Variants in ZNF680 observed in about 807,000 individuals in gnomAD.
ZNF680 encodes the protein hypothetical protein FLJ90430.
In ZNF680, 6 loss-of-function variants were observed where a neutral mutation model predicts 12.1. The observed-to-expected ratio is 0.49, with a 90% CI of 0.27 to 0.98. The LOEUF (loss-of-function observed/expected upper bound fraction) is 0.98. Ranked by LOEUF, ZNF680 falls within the 50% of genes least tolerant of loss-of-function variation. The pLI, the probability that ZNF680 is intolerant of heterozygous loss-of-function variation, is 0.12. For synonymous variants in ZNF680, 170 were observed against 199.3 expected (o/e 0.85, Z 1.24); for missense variants, 561 against 616.3 (o/e 0.91, Z 0.95).
chr7:64,562,900 T>C (rs201763073), intron 1 of ZNF680, 25 bp downstream of exon 1: 1 of 1,613,344 alleles, frequency 6.2e-7, no homozygotes, highest in African/African-American at 1.3e-5. Context: ...TCCCCCTCTC[T>C]CGGGGTGTCG....
At chr7:64,501,177 C>G in the ZNF680 span, 1 of 871,448 alleles carries the variant, frequency 1.1e-6, no homozygotes. Context: ...CTCTATTCAG[C>G]TCCTCTCTTG....
chr7:64,508,927 AG>A, the ZNF680 span, among the ~76,000 whole-genome samples: 2 of 152,196 alleles, frequency 1.3e-5, no homozygotes, highest in African/African-American at 4.8e-5. Flanking sequence ...TCCTTGAGAT[AG>A]GGGGACTTTG....
chr7:64,541,702 T>A (rs1435655958), intron 3 of ZNF680, among the ~76,000 whole-genome samples: 1 of 152,136 alleles, frequency 6.6e-6, no homozygotes, highest in Non-Finnish European at 1.5e-5. Context: ...CCCACCAAAT[T>A]TGGTCCCACT....
In ZNF680 at chr7:64,543,754, T is replaced by C. The variant is rs1161915692; in HGVS notation, c.206A>G (p.Lys69Arg). 1 of 1,613,738 alleles carries C rather than the reference T, an allele frequency of 6.2e-7. No homozygotes were observed. Among genetic ancestry groups the C allele is most frequent in the Non-Finnish European group, 8.5e-7 (1 of 1,179,808 alleles). The change falls in exon 3 of 4, where the codon AAA (lysine) becomes AGA (arginine). Residue 69 changes from lysine (K) to arginine (R), a missense_variant. Coordinates refer to ENST00000309683, the MANE Select transcript of ZNF680 (RefSeq NM_178558.5). ...CTGTCTCTTCCTATTCCAGGGCTCTTTTCCTTGCTCCAAACAGGTTATCAG... is the reference window on the plus strand; with the variant it reads ...CTGTCTCTTCCTATTCCAGGGCTCTCTTCCTTGCTCCAAACAGGTTATCAG... Reference protein sequence around the residue: ...PHLITCLEQGKEPWNRKRQEM... With the variant: ...PHLITCLEQGREPWNRKRQEM...
At chr7:64,541,694 C>G (rs1786509951) in intron 3 of ZNF680, among the ~76,000 whole-genome samples, 1 of 152,162 alleles carries the variant, frequency 6.6e-6, no homozygotes, top group Non-Finnish European at 1.5e-5. Context: ...GGAAATGGCC[C>G]ACCAAATTTG....
chr7:64,543,863 A>C, intron 2 of ZNF680, 61 bp from the exon 3 acceptor site: 1 of 1,401,878 alleles, frequency 7.1e-7, no homozygotes, highest in Non-Finnish European at 1.0e-6. Flanking sequence ...CCAAACTACT[A>C]ATGTGCTCAG....
chr7:64,507,100 T>C, the ZNF680 span, among the ~76,000 whole-genome samples: 5 of 152,120 alleles, frequency 3.3e-5, no homozygotes, highest in African/African-American at 9.7e-5. Context: ...AACAATGAAA[T>C]ACTATTCAGC....
At chr7:64,513,707 G>A in the ZNF680 span, among the ~76,000 whole-genome samples, 1 of 151,700 alleles carries the variant, frequency 6.6e-6, no homozygotes, top group African/African-American at 2.4e-5. Context: ...GTGCAGTGGC[G>A]TGATCTCAGC....
chr7:64,533,266 C>T (rs1295046284), intron 3 of ZNF680, among the ~76,000 whole-genome samples: 1 of 152,014 alleles, frequency 6.6e-6, no homozygotes, highest in East Asian at 1.9e-4. Flanking sequence ...TCTTGAAAAC[C>T]CCAAAGACTC....
At chr7:64,513,268 T>C in the ZNF680 span, among the ~76,000 whole-genome samples, 13 of 152,076 alleles carry the variant, frequency 8.5e-5, no homozygotes, top group Non-Finnish European at 1.3e-4. Context: ...AATGTGTTTT[T>C]AGTAAAATCT....
At chr7:64,519,857 T>C (rs1310581457), downstream of ZNF680, 1 of 151,790 alleles carries the variant, frequency 6.6e-6, no homozygotes, top group Non-Finnish European at 1.5e-5. Context: ...ATAATAACGC[T>C]TCATTGAATG....
intron 3 of ZNF680, among the ~76,000 whole-genome samples, chr7:64,529,728 T>C (rs1785765417): frequency 6.6e-6 from 1 of 152,084 alleles, no homozygotes. Context: ...CACACTTGGG[T>C]TGATAACCGA....
At chr7:64,558,754 T>C (rs1382812711) in intron 1 of ZNF680, among the ~76,000 whole-genome samples, 3 of 151,674 alleles carry the variant, frequency 2.0e-5, no homozygotes, top group East Asian at 1.9e-4. Flanking sequence ...TCTTTAAAGA[T>C]TGCAAAGTTT....
At chr7:64,514,182 CAG>C in the ZNF680 span, among the ~76,000 whole-genome samples, 2 of 152,154 alleles carry the variant, frequency 1.3e-5, no homozygotes, top group African/African-American at 4.8e-5. Flanking sequence ...GCATCCAAAA[CAG>C]AGGTTAACAA....
At chr7:64,500,599 T>G in the ZNF680 span, among the ~76,000 whole-genome samples, 1 of 152,130 alleles carries the variant, frequency 6.6e-6, no homozygotes, top group African/African-American at 2.4e-5. Context: ...CATAGAAGCA[T>G]AGGGTAGAAT....
chr7:64,501,015 C>T, the ZNF680 span: 7 of 693,330 alleles, frequency 1.0e-5, no homozygotes, highest in African/African-American at 1.1e-4. Flanking sequence ...AGAAATGCCC[C>T]GGCTGCTGTA....
chr7:64,501,910 C>T, the ZNF680 span, among the ~76,000 whole-genome samples: 1 of 151,912 alleles, frequency 6.6e-6, no homozygotes, highest in East Asian at 1.9e-4. Context: ...CTTTGACACT[C>T]CTAGTAGTTT....
intron 1 of ZNF680, among the ~76,000 whole-genome samples, chr7:64,549,553 T>G (rs921123156): frequency 6.6e-5 from 10 of 152,166 alleles, no homozygotes; most frequent in African/African-American, 2.2e-4. Context: ...CCAAACCTTA[T>G]GTGCAGATTC....
chr7:64,562,529 A>G (rs1787801953), intron 1 of ZNF680, among the ~76,000 whole-genome samples: 1 of 152,108 alleles, frequency 6.6e-6, no homozygotes, highest in Non-Finnish European at 1.5e-5. Flanking sequence ...CCACTCTTCT[A>G]TTACATTTTT....
Sources: gnomAD v4.1 joint callset for allele counts (sites outside exome capture counted in the v4.1 genomes callset) on GRCh38, gnomAD v4.1.1 for gene constraint, MANE v1.5 for transcripts, NCBI Gene and HGNC (gene_info 2026-07-23, HGNC 2026-07-21) for gene names.